Variants in ENO4 observed in about 807,000 individuals in gnomAD.
ENO4 encodes the protein enolase 4, also known as 2-phospho-D-glycerate hydro-lyase.
Under a neutral mutation model 63.2 loss-of-function variants are expected in ENO4, and 53 were observed. That is an observed-to-expected ratio of 0.84 (90% CI 0.67 to 1.05). The LOEUF (loss-of-function observed/expected upper bound fraction) is 1.05, where lower values mean the gene tolerates loss of function less well. Ranked by LOEUF, ENO4 falls within the 50% of genes least tolerant of loss-of-function variation. The pLI is 0.00. For synonymous variants in ENO4, 266 were observed against 283.8 expected, an observed-to-expected ratio of 0.94 and a Z score of 0.63; for missense variants, 719 against 772.0, an observed-to-expected ratio of 0.93 and a Z score of 0.81.
rs115088144 is a variant in ENO4 at position 116,868,515 on chromosome 10, G to A, written c.991-135G>A. The A allele has an allele frequency of 5.0e-3, 3,698 of 739,496 alleles. 95 individuals carry two copies. The African/African-American group carries it at 0.056, about 11-fold the overall frequency. The allele number at this position is 739,496 out of a possible 1,614,324, so 45.8% of individuals were successfully genotyped here. ...GAATCATCCCTATGTGCATGAGTGC[G>A]TGTGTGTGCGTGTATGTGTGCACAC... On this transcript the variant is annotated intron_variant, in intron 7 of 13. Transcript: ENST00000341276.
At chr10:116,892,173 C>T (rs1847359908) in intron 10 of ENO4, among the ~76,000 whole-genome samples, 1 of 152,144 alleles carries the variant, frequency 6.6e-6, no homozygotes, top group African/African-American at 2.4e-5. Flanking sequence ...GCTTACCTCC[C>T]GGACCACAAT....
rs1487333799 is a variant in ENO4 at position 116,876,066 on chromosome 10, A to T, written c.1343A>T (p.Asp448Val). 1.3e-6 allele frequency: 2 copies of T among 1,537,626 alleles called. No individual in the cohort carries two copies. Among genetic ancestry groups the T allele is most frequent in the African/African-American group, 1.4e-5 (1 of 72,614 alleles). ...IALIDPFRKE[D>V]SEQWDSIYHA... ...ATCAACTCTTAAATATTTACCCAGG[A>T]CTCTGAACAGTGGGACAGCATCTAT... Residue 448 changes from aspartate to valine, a missense_variant and splice_region_variant, in exon 11 of 14, where the codon GAC becomes GTC. By Grantham distance (152) the Asp-to-Val change is radical. Coordinates refer to ENST00000341276, the MANE Select transcript of ENO4 (RefSeq NM_001242699.2).
intron 7 of ENO4, among the ~76,000 whole-genome samples, chr10:116,863,356 T>TCACACACACACACACACACACACACA: frequency 6.8e-6 from 1 of 147,404 alleles, no homozygotes; most frequent in East Asian, 2.0e-4. Context: ...CTGTGGGGCT[T>TCACACACACACACACACACACACACA]CACACACACA....
chr10:116,875,269 A>C (rs1470754779), intron 10 of ENO4, among the ~76,000 whole-genome samples: 2 of 152,092 alleles, frequency 1.3e-5, no homozygotes, highest in Non-Finnish European at 2.9e-5. Context: ...TCCATTCTAC[A>C]CCAGCATACA....
In ENO4 at chr10:116,859,123, AAGG is replaced by A; in HGVS notation, c.620_622del (p.Lys207_Gly208delinsArg). ...ACCCCCTCCACCTCCTACCAAAAAA[AAGG>A]GGCAAAAGCCAGGTTGGTTGGTGAC... On this transcript the variant is annotated inframe_deletion, in exon 4 of 14. Coordinates refer to ENST00000341276, the MANE Select transcript of ENO4 (RefSeq NM_001242699.2). The A allele has an allele frequency of 6.5e-7, 1 of 1,530,018 alleles. No homozygotes were observed. Among genetic ancestry groups the A allele is most frequent in the Non-Finnish European group, 8.7e-7 (1 of 1,144,468 alleles). The allele number at this position is 1,530,018 out of a possible 1,614,324, so 94.8% of individuals were successfully genotyped here. A position where few individuals can be genotyped will look rare whatever the true frequency, so the allele number is the denominator to read the frequency against.
rs1296506858 is a variant in ENO4, at chr10:116,849,682, T to G, written c.116T>G (p.Leu39Arg). The part of the protein sequence containing the change: ...ENDVPRRLEE[L>R]LNSTFYLQPA... ...GACGTTCCGCGCAGGCTGGAAGAGC[T>G]GCTCAACTCCACCTTCTACCTCCAG... Residue 39 changes from leucine (L) to arginine (R), a missense_variant, in exon 1 of 14, where the codon CTG becomes CGG. Around this residue, in one of 3 missense-constraint regions of ENO4, gnomAD observed 544 missense variants for 583.6 expected, o/e 0.93. Coordinates refer to ENST00000341276, the MANE Select transcript of ENO4 (RefSeq NM_001242699.2). 26 of 1,548,886 alleles carry G rather than the reference T, an allele frequency of 1.7e-5. No individual in the cohort carries two copies. In the East Asian group the frequency reaches 5.6e-4, roughly 34 times the overall value.
At chr10:116,872,258 A>C (rs907720979) in intron 9 of ENO4, among the ~76,000 whole-genome samples, 13 of 152,170 alleles carry the variant, frequency 8.5e-5, no homozygotes, top group African/African-American at 2.9e-4. Flanking sequence ...ACGGCAATTT[A>C]CCTTTAAACT....
At chr10:116,906,401 A>C (rs1847973801) in intron 10 of ENO4, among the ~76,000 whole-genome samples, 1 of 152,264 alleles carries the variant, frequency 6.6e-6, no homozygotes, top group Admixed American at 6.5e-5. Flanking sequence ...TCAGATCTAT[A>C]AATGCCTGGT....
chr10:116,870,435 C>T (rs765847795), intron 8 of ENO4, among the ~76,000 whole-genome samples: 2 of 152,066 alleles, frequency 1.3e-5, no homozygotes, highest in Non-Finnish European at 2.9e-5. Flanking sequence ...GAGCACAAGA[C>T]TTCAAGACCA....
At chr10:116,904,165 G>A (rs1481104497) in intron 10 of ENO4, among the ~76,000 whole-genome samples, 1 of 152,146 alleles carries the variant, frequency 6.6e-6, no homozygotes, top group African/African-American at 2.4e-5. Context: ...TTTCTAGGCA[G>A]AAGAAAACCA....
chr10:116,868,212 A>G lies in ENO4; in HGVS notation c.991-438A>G, dbSNP rs182629010. 2.2e-4 allele frequency among the ~76,000 whole-genome samples: 34 copies of G among 152,360 alleles called. No homozygotes were observed. In the East Asian group the frequency reaches 4.2e-3, roughly 19 times the overall value. ...AGTGTTTGCACTCTGAGAATATTCA[A>G]AACAATATGTTGGGCCTGTAAAAGC... On this transcript the variant is annotated intron_variant, in intron 7 of 13. Transcript: ENST00000341276.
At chr10:116,878,742 C>CTTTTTTTTTT (rs10635577) in intron 11 of ENO4, among the ~76,000 whole-genome samples, 1 of 114,360 alleles carries the variant, frequency 8.7e-6, no homozygotes, top group African/African-American at 3.2e-5. Context: ...AATCATATAT[C>CTTTTTTTTTT]TTTTTTTTTT....
At chr10:116,871,429 C>G in intron 9 of ENO4, 137 bp downstream of exon 9, 1 of 807,852 alleles carries the variant, frequency 1.2e-6, no homozygotes. Flanking sequence ...GTGAAGGATC[C>G]AAATATAATG....
At chr10:116,910,274 A>G (rs574028390) in intron 10 of ENO4, among the ~76,000 whole-genome samples, 8 of 152,348 alleles carry the variant, frequency 5.3e-5, no homozygotes, top group South Asian at 2.1e-4. Context: ...TAAAGAAGTA[A>G]TATTGTCAGA....
intron 3 of ENO4, among the ~76,000 whole-genome samples, chr10:116,858,264 A>G (rs1446721767): frequency 6.6e-6 from 1 of 152,190 alleles, no homozygotes; most frequent in Non-Finnish European, 1.5e-5. Context: ...GAAAGGGTAT[A>G]TGGGATGTAA....
chr10:116,889,743 T>C (rs1282106756), intron 10 of ENO4, among the ~76,000 whole-genome samples: 2 of 152,184 alleles, frequency 1.3e-5, no homozygotes, highest in Non-Finnish European at 1.5e-5. Context: ...TACAGGCTAG[T>C]TTTTGGCATG....
At chr10:116,898,804 G>A (rs1489658833) in intron 10 of ENO4, among the ~76,000 whole-genome samples, 1 of 151,996 alleles carries the variant, frequency 6.6e-6, no homozygotes, top group Non-Finnish European at 1.5e-5. Context: ...TGACAGGAAT[G>A]TTAATTTTAA....
intron 10 of ENO4, chr10:116,901,816 C>G: frequency 1.2e-6 from 2 of 1,601,400 alleles, no homozygotes; most frequent in Non-Finnish European, 1.7e-6. Flanking sequence ...GGGCCCTTCA[C>G]CTGGCTCAGG....
intron 10 of ENO4, chr10:116,900,523 T>G (rs1264725629): frequency 6.5e-7 from 1 of 1,528,470 alleles, no homozygotes; most frequent in Non-Finnish European, 8.8e-7. Context: ...AGTTGCAGTA[T>G]TTTCTGATTC....
Sources: gnomAD v4.1 joint callset for allele counts (sites outside exome capture counted in the v4.1 genomes callset) on GRCh38, gnomAD v4.1.1 for gene constraint, gnomAD v4.1.1 regional missense constraint, MANE v1.5 for transcripts, NCBI Gene and HGNC (gene_info 2026-07-23, HGNC 2026-07-21) for gene names.